Variants in GALNTL6 observed in about 807,000 individuals in gnomAD.
The protein encoded by GALNTL6 is polypeptide N-acetylgalactosaminyltransferase-like 6.
Under a neutral mutation model 73.7 loss-of-function variants are expected in GALNTL6, and 46 were observed. The observed-to-expected ratio is 0.62, with a 90% CI of 0.49 to 0.80. GALNTL6 has a LOEUF of 0.80. Among genes scored for constraint, GALNTL6 ranks in the 30% least tolerant of loss-of-function variants. The pLI, the probability that GALNTL6 is intolerant of heterozygous loss-of-function variation, is 0.00. For missense variants in GALNTL6, 604 were observed against 755.0 expected, an observed-to-expected ratio of 0.80 and a Z score of 2.34; for synonymous variants, 259 against 263.7, an observed-to-expected ratio of 0.98 and a Z score of 0.17.
intron 10 of GALNTL6, among the ~76,000 whole-genome samples, chr4:172,969,943 A>G (rs2610210): frequency 0.15 from 22,929 of 152,182 alleles, 1,903 homozygotes; most frequent in African/African-American, 0.21. Context: ...TAAAGAGAAA[A>G]ACCACAAAGA....
At chr4:172,948,484 CT>C (rs36116637) in intron 9 of GALNTL6, among the ~76,000 whole-genome samples, 1 of 151,514 alleles carries the variant, frequency 6.6e-6, no homozygotes, top group African/African-American at 2.4e-5. Flanking sequence ...CAGAGTTTTG[CT>C]TTTTTTGCCC....
chr4:172,402,740 A>G (rs1744085856), intron 5 of GALNTL6, among the ~76,000 whole-genome samples: 1 of 152,078 alleles, frequency 6.6e-6, no homozygotes, highest in South Asian at 2.1e-4. Flanking sequence ...AACAAAAGGA[A>G]CACATTCACT....
At chr4:172,710,626 A>G (rs1440453878) in intron 5 of GALNTL6, among the ~76,000 whole-genome samples, 1 of 152,122 alleles carries the variant, frequency 6.6e-6, no homozygotes, top group African/African-American at 2.4e-5. Flanking sequence ...ACTGATTCAA[A>G]CCTGTATTGG....
chr4:172,552,528 G>A (rs1908779), intron 5 of GALNTL6, among the ~76,000 whole-genome samples: 126,528 of 151,980 alleles, frequency 0.83, 52,804 homozygotes, highest in Non-Finnish European at 0.87. Context: ...TGTTTGTTTT[G>A]CTAAAACATA....
chr4:172,917,146 G>A (rs564933529), intron 8 of GALNTL6, among the ~76,000 whole-genome samples: 1 of 152,286 alleles, frequency 6.6e-6, no homozygotes, highest in East Asian at 1.9e-4. Flanking sequence ...AAGAAACGGG[G>A]AAAGGATTCC....
intron 2 of GALNTL6, among the ~76,000 whole-genome samples, chr4:171,977,024 A>T (rs561624484): frequency 3.9e-5 from 6 of 152,300 alleles, no homozygotes; most frequent in African/African-American, 1.4e-4. Context: ...GAAACAGGTG[A>T]AAAAGAGAGG....
At chr4:172,069,555 G>T (rs796750912) in intron 2 of GALNTL6, among the ~76,000 whole-genome samples, 1 of 60,914 alleles carries the variant, frequency 1.6e-5, no homozygotes, top group East Asian at 3.1e-4. Context: ...ACACATATAT[G>T]TTATATATAA....
Position 172,786,125 on chromosome 4 carries a change from GA to G in GALNTL6, c.554-23224del, listed in dbSNP as rs376095222. ...AAATAGGGCTACGAGAGACACTAAT[GA>G]AAAAAAAAAAAGTACTTGAACTCCA... On this transcript the variant is annotated intron_variant, in intron 5 of 12. Transcript: ENST00000506823. 1.2e-3 allele frequency among the ~76,000 whole-genome samples: 168 copies of G among 143,880 alleles called. 1 individual carries two copies. Among genetic ancestry groups the G allele is most frequent in the African/African-American group, 1.5e-3 (58 of 39,632 alleles). The allele number at this position is 143,880 out of a possible 152,430, so 94.4% of individuals were successfully genotyped here.
chr4:172,858,992 T>A (rs1275337021), intron 7 of GALNTL6, among the ~76,000 whole-genome samples: 1 of 147,734 alleles, frequency 6.8e-6, no homozygotes, highest in Non-Finnish European at 1.5e-5. Context: ...GTTTAAGGAT[T>A]CAAGAAGATA....
chr4:172,990,858 C>G (rs1004248511), intron 10 of GALNTL6, among the ~76,000 whole-genome samples: 1 of 152,098 alleles, frequency 6.6e-6, no homozygotes, highest in African/African-American at 2.4e-5. Flanking sequence ...TTTTGAAGCA[C>G]AAATTTATAA....
intron 2 of GALNTL6, among the ~76,000 whole-genome samples, chr4:171,977,476 C>T (rs1376119542): frequency 6.6e-6 from 1 of 152,160 alleles, no homozygotes; most frequent in Non-Finnish European, 1.5e-5. Flanking sequence ...GGCCTCACTC[C>T]TTGGGGTGTA....
intron 4 of GALNTL6, among the ~76,000 whole-genome samples, chr4:172,329,727 CAACAA>C (rs1741061847): frequency 6.6e-6 from 1 of 152,174 alleles, no homozygotes; most frequent in South Asian, 2.1e-4. Context: ...AGCCCGAAGG[CAACAA>C]TGGCTAAGGC....
intron 5 of GALNTL6, among the ~76,000 whole-genome samples, chr4:172,548,253 AT>A (rs1295177970): frequency 3.3e-5 from 5 of 152,166 alleles, no homozygotes; most frequent in Admixed American, 3.3e-4. Flanking sequence ...AAACTCTTTG[AT>A]TTTAGCCATA....
At position 173,020,725 on chromosome 4, in the gene GALNTL6, G is replaced by T. The variant is rs1480287391; in HGVS notation, c.1489-751G>T. On this transcript the variant is annotated intron_variant, in intron 11 of 12. Transcript: ENST00000506823. ...GCTAATCTGCAAATTTGGGCAAACT[G>T]TGTAGGATTTGTTCCAGTAACATTT... 2.0e-5 allele frequency among the ~76,000 whole-genome samples: 3 copies of T among 152,304 alleles called. No homozygotes were observed. In the East Asian group the frequency reaches 5.8e-4, roughly 29 times the overall value.
intron 7 of GALNTL6, among the ~76,000 whole-genome samples, chr4:172,879,225 A>G (rs1745338181): frequency 6.6e-6 from 1 of 151,906 alleles, no homozygotes; most frequent in African/African-American, 2.4e-5. Flanking sequence ...TCAAGGAGAC[A>G]TAAAATCAAT....
At chr4:172,253,106 A>T (rs184297912) in intron 3 of GALNTL6, among the ~76,000 whole-genome samples, 19 of 152,120 alleles carry the variant, frequency 1.2e-4, no homozygotes, top group Admixed American at 9.8e-4. Context: ...TGGTAATAAA[A>T]TAATAAGCAT....
chr4:172,916,202 C>T (rs1414859513), intron 8 of GALNTL6, among the ~76,000 whole-genome samples: 2 of 152,178 alleles, frequency 1.3e-5, no homozygotes, highest in Non-Finnish European at 2.9e-5. Flanking sequence ...AACAACCCTT[C>T]ATGCTAAAAA....
chr4:171,995,537 A>G (rs1740460581), intron 2 of GALNTL6, among the ~76,000 whole-genome samples: 2 of 152,050 alleles, frequency 1.3e-5, no homozygotes, highest in Admixed American at 6.6e-5. Context: ...AAAGATATTT[A>G]ATATATTATT....
rs570599207 is a variant in GALNTL6 at position 171,921,351 on chromosome 4, C to T, written c.138+106633C>T. Among the ~76,000 whole-genome samples the T allele has an allele frequency of 4.4e-4, 67 of 152,172 alleles. 1 individual carries two copies. The highest frequency in any genetic ancestry group is 1.4e-3 in the African/African-American group (59 of 41,546). ...TGATCAATTAACACACATGTACATG[C>T]ACATAACTATCTGTCTCTTCTATCC... On this transcript the variant is annotated intron_variant, in intron 2 of 12. Coordinates refer to ENST00000506823, the MANE Select transcript of GALNTL6 (RefSeq NM_001034845.3).
Sources: gnomAD v4.1 joint callset for allele counts (sites outside exome capture counted in the v4.1 genomes callset) on GRCh38, gnomAD v4.1.1 for gene constraint, MANE v1.5 for transcripts, NCBI Gene and HGNC (gene_info 2026-07-23, HGNC 2026-07-21) for gene names.